ANKIB1: variants seen among roughly 807,000 people sequenced by gnomAD.
ANKIB1 encodes the protein ankyrin repeat and IBR domain-containing protein 1.
In ANKIB1, 43 loss-of-function variants were observed where a neutral mutation model predicts 122.1. That is an observed-to-expected ratio of 0.35 (90% CI 0.28 to 0.45). The LOEUF is 0.45. Ranked by LOEUF, ANKIB1 falls within the 20% of genes least tolerant of loss-of-function variation. ANKIB1 has a pLI of 1.00. For synonymous variants in ANKIB1, 390 were observed against 442.0 expected, an observed-to-expected ratio of 0.88 and a Z score of 1.48; for missense variants, 992 against 1,329.5, an observed-to-expected ratio of 0.75 and a Z score of 3.95.
intron 1 of ANKIB1, among the ~76,000 whole-genome samples, chr7:92,292,383 A>T (rs912892911): frequency 1.3e-5 from 2 of 152,186 alleles, no homozygotes; most frequent in Non-Finnish European, 2.9e-5. Flanking sequence ...GATTTTTTTT[A>T]AAAACTTGTT....
chr7:92,359,339 G>T (rs1197145583), intron 9 of ANKIB1, among the ~76,000 whole-genome samples: 1 of 152,160 alleles, frequency 6.6e-6, no homozygotes, highest in Non-Finnish European at 1.5e-5. Context: ...TTCTGTTCTT[G>T]TGATAGTTTG....
chr7:92,320,798 A>G (rs1430164653), intron 4 of ANKIB1, among the ~76,000 whole-genome samples: 1 of 152,206 alleles, frequency 6.6e-6, no homozygotes, highest in Non-Finnish European at 1.5e-5. Flanking sequence ...AGGATTCAGA[A>G]TGACATTTTA....
At chr7:92,329,321 AT>A (rs1803105921) in intron 5 of ANKIB1, among the ~76,000 whole-genome samples, 1 of 152,070 alleles carries the variant, frequency 6.6e-6, no homozygotes, top group Admixed American at 6.5e-5. Flanking sequence ...TTCCCACCTT[AT>A]ATACCTGTAG....
chr7:92,368,311 AAG>A (rs1000043511), intron 10 of ANKIB1, among the ~76,000 whole-genome samples: 1 of 151,174 alleles, frequency 6.6e-6, no homozygotes, highest in Non-Finnish European at 1.5e-5. Context: ...CTAGATTATT[AAG>A]AAAGAATAAG....
At position 92,373,245 on chromosome 7, in the gene ANKIB1, A is replaced by G. The variant is rs374831111; in HGVS notation, c.1617+1638A>G. Among the ~76,000 whole-genome samples the G allele has an allele frequency of 3.2e-4, 48 of 152,272 alleles. 1 individual carries two copies. Among genetic ancestry groups the G allele is most frequent in the African/African-American group, 9.9e-4 (41 of 41,576 alleles). ...TATCTCCAATGTCCATATCTTTTTT[A>G]TTCCTCTTGGAAAATCTGATATAGA... On this transcript the variant is annotated intron_variant, in intron 11 of 19. Transcript: ENST00000265742.
At chr7:92,389,936 A>G (rs773671588) in intron 14 of ANKIB1, 35 bp from the exon 15 acceptor site, 1 of 1,558,712 alleles carries the variant, frequency 6.4e-7, no homozygotes, top group South Asian at 1.3e-5. Context: ...GCATATTTGC[A>G]AAAACAAATT....
At chr7:92,323,261 C>T (rs1368478913) in intron 4 of ANKIB1, among the ~76,000 whole-genome samples, 2 of 152,160 alleles carry the variant, frequency 1.3e-5, no homozygotes, top group Non-Finnish European at 2.9e-5. Flanking sequence ...TTTTTCTCCA[C>T]ATTCTTGCTA....
chr7:92,311,023 A>G (rs2131939942), intron 3 of ANKIB1, among the ~76,000 whole-genome samples: 1 of 152,328 alleles, frequency 6.6e-6, no homozygotes, highest in East Asian at 1.9e-4. Context: ...GATGTCTCTT[A>G]TAAAGTTTAC....
In ANKIB1 at chr7:92,310,731, T is replaced by C. The variant is rs527420094; in HGVS notation, c.486+3075T>C. ...CTTTAAATTGTCTCTAGATTGCGTATAATACCTAGTACAATGTAAGTGTCG... is the reference window on the plus strand; with the variant it reads ...CTTTAAATTGTCTCTAGATTGCGTACAATACCTAGTACAATGTAAGTGTCG... On this transcript the variant is annotated intron_variant, in intron 3 of 19. Coordinates refer to ENST00000265742, the MANE Select transcript of ANKIB1 (RefSeq NM_019004.2). Among the ~76,000 whole-genome samples, 26 of 152,318 alleles carry C rather than the reference T, an allele frequency of 1.7e-4. No homozygotes were observed. In the East Asian group the frequency reaches 5.0e-3, roughly 29 times the overall value.
chr7:92,401,183 A>G lies in ANKIB1; in HGVS notation c.*2234A>G. The stretch of plus-strand genomic sequence containing the variant: ...TCAGTAATGAAGTTTGGCAAAGCCT[A>G]TTTTGTAAACAAGTTAATTTTATAA... On this transcript the variant is annotated 3_prime_UTR_variant, in exon 20 of 20. Transcript: ENST00000265742. The G allele has an allele frequency of 6.6e-6, 1 of 152,242 alleles. No individual in the cohort carries two copies. The allele number at this position is 152,242 out of a possible 1,614,324, so 9.4% of individuals were successfully genotyped here. A position where few individuals can be genotyped will look rare whatever the true frequency, so the allele number is the denominator to read the frequency against.
Position 92,303,684 on chromosome 7 carries a change from T to C in ANKIB1, c.189-3675T>C, listed in dbSNP as rs11976007. 7.2e-3 allele frequency among the ~76,000 whole-genome samples: 1,092 copies of C among 152,236 alleles called. 11 individuals carry two copies. Among genetic ancestry groups the C allele is most frequent in the African/African-American group, 0.025 (1,040 of 41,538 alleles). On this transcript the variant is annotated intron_variant, in intron 2 of 19. Transcript: ENST00000265742. ...TAAGAGGATTATTGAAAAAGTGTGA[T>C]TACAGAAGCCAAGGTAATAGAAAGG...
chr7:92,388,703 T>C (rs555762810), intron 14 of ANKIB1, among the ~76,000 whole-genome samples: 51 of 152,320 alleles, frequency 3.3e-4, no homozygotes, highest in African/African-American at 1.2e-3. Context: ...AGCTCACATA[T>C]GAAAAGTACA....
intron 11 of ANKIB1, among the ~76,000 whole-genome samples, chr7:92,386,135 CA>C (rs1188328015): frequency 6.6e-6 from 1 of 152,104 alleles, no homozygotes; most frequent in Non-Finnish European, 1.5e-5. Flanking sequence ...ACCAATTTGT[CA>C]ATATTGCCAG....
intron 1 of ANKIB1, among the ~76,000 whole-genome samples, chr7:92,256,598 A>C (rs557582169): frequency 6.6e-6 from 1 of 152,312 alleles, no homozygotes; most frequent in South Asian, 2.1e-4. Context: ...TACGGCTTCT[A>C]TCTTATAAAA....
intron 5 of ANKIB1, among the ~76,000 whole-genome samples, chr7:92,342,807 A>G (rs939669166): frequency 6.6e-6 from 1 of 152,224 alleles, no homozygotes; most frequent in Non-Finnish European, 1.5e-5. Flanking sequence ...AGATCTTGAC[A>G]TGGTTGTAAG....
At chr7:92,294,409 A>G (rs1289927563) in intron 1 of ANKIB1, 2 of 152,604 alleles carry the variant, frequency 1.3e-5, no homozygotes, top group Non-Finnish European at 2.9e-5. Context: ...ATGTCCTCAT[A>G]AAGTACTGAG....
intron 11 of ANKIB1, among the ~76,000 whole-genome samples, chr7:92,380,488 G>A (rs538177911): frequency 1.3e-5 from 2 of 152,268 alleles, no homozygotes; most frequent in East Asian, 3.9e-4. Context: ...ATTAGGGGCC[G>A]ACTGACACCT....
chr7:92,352,411 C>A, intron 8 of ANKIB1, 65 bp from the exon 9 acceptor site: 1 of 1,485,638 alleles, frequency 6.7e-7, no homozygotes, highest in Non-Finnish European at 9.3e-7. Context: ...CATAGAGGTA[C>A]ACTCTGTATT....
intron 7 of ANKIB1, among the ~76,000 whole-genome samples, chr7:92,350,442 A>G (rs1209432992): frequency 2.0e-5 from 3 of 152,210 alleles, no homozygotes; most frequent in East Asian, 1.9e-4. Context: ...GTGTATGTAT[A>G]TATGTGTATG....
Sources: gnomAD v4.1 joint callset for allele counts (sites outside exome capture counted in the v4.1 genomes callset) on GRCh38, gnomAD v4.1.1 for gene constraint, MANE v1.5 for transcripts, NCBI Gene and HGNC (gene_info 2026-07-23, HGNC 2026-07-21) for gene names.